Variants in QARS1 observed in about 807,000 individuals in gnomAD.
QARS1 encodes the protein glutamine--tRNA ligase.
Under a neutral mutation model 106.9 loss-of-function variants are expected in QARS1, and 79 were observed. That is an observed-to-expected ratio of 0.74 (90% CI 0.62 to 0.89). The LOEUF is 0.89. Ranked by LOEUF, QARS1 falls within the 40% of genes least tolerant of loss-of-function variation. QARS1 has a pLI of 0.00. For missense variants in QARS1, 966 were observed against 997.2 expected (o/e 0.97, Z 0.42); for synonymous variants, 395 against 367.7 (o/e 1.07, Z -0.85).
intron 2 of QARS1, 40 bp from the exon 3 acceptor site, chr3:49,104,012 C>G: frequency 6.5e-7 from 1 of 1,543,730 alleles, no homozygotes; most frequent in South Asian, 1.1e-5. Flanking sequence ...CATCTCTGCT[C>G]CAAGAAGTGG....
At chr3:49,100,792 T>C in intron 10 of QARS1, 118 bp from the exon 11 acceptor site, 1 of 881,136 alleles carries the variant, frequency 1.1e-6, no homozygotes, top group Non-Finnish European at 1.9e-6. Flanking sequence ...TTTTTTGAGA[T>C]GGAGTCTTGA....
chr3:49,098,324 C>T, intron 21 of QARS1, 29 bp downstream of exon 21: 2 of 1,614,212 alleles, frequency 1.2e-6, no homozygotes, highest in South Asian at 1.1e-5. Context: ...CATCTTGTAC[C>T]TGCCCCCACC....
In QARS1 at chr3:49,104,700, TAGTG is replaced by T. The variant is rs768742995; in HGVS notation, c.30_33del (p.Phe10LeufsTer5). ...GCCTTCTGCTCGCTCAGGCCGAGGC[TAGTG>T]AAGAGCGACAGGGAGTCTAGAGCCG... On this transcript the variant is annotated frameshift_variant, in exon 1 of 24. Transcript: ENST00000306125. LOFTEE classifies it high-confidence loss of function. 1 of 1,612,662 alleles carries T rather than the reference TAGTG, an allele frequency of 6.2e-7. No homozygotes were observed. Among genetic ancestry groups the T allele is most frequent in the South Asian group, 1.1e-5 (1 of 91,080 alleles).
chr3:49,100,451 T>C lies in QARS1; in HGVS notation c.984A>G (p.Thr328=). 6.2e-7 allele frequency: 1 copy of C among 1,614,140 alleles called. No homozygotes were observed. The highest frequency in any genetic ancestry group is 8.5e-7 in the Non-Finnish European group (1 of 1,180,000). ...CAGACGCATATGTGACTTTGTAAGG[T>C]GTGTAGCCTGGGGCAAAATGAAACA... is the stretch of plus-strand genomic sequence containing the variant. ...ICDMVAWLGY[T]PYKVTYASDY... Residue 328 remains threonine (T), a synonymous_variant, in exon 12 of 24, where the codon ACA becomes ACG. Coordinates refer to ENST00000306125, the MANE Select transcript of QARS1 (RefSeq NM_005051.3).
In QARS1 at chr3:49,095,963, T is replaced by C; in HGVS notation, c.*66A>G. On this transcript the variant is annotated 3_prime_UTR_variant, in exon 24 of 24. Coordinates refer to ENST00000306125, the MANE Select transcript of QARS1 (RefSeq NM_005051.3). ...AGAATTTAGCTGTTCTTTATTGACATGGAATTTGGGGTGGCGAGGGTAGCC... is the reference window on the plus strand; with the variant it reads ...AGAATTTAGCTGTTCTTTATTGACACGGAATTTGGGGTGGCGAGGGTAGCC... The C allele has an allele frequency of 1.4e-6, 2 of 1,458,580 alleles. No individual in the cohort carries two copies. Among genetic ancestry groups the C allele is most frequent in the Non-Finnish European group, 1.9e-6 (2 of 1,047,694 alleles). The allele number at this position is 1,458,580 out of a possible 1,614,324, so 90.4% of individuals were successfully genotyped here.
chr3:49,096,644 G>C (rs1424158881), intron 23 of QARS1, among the ~76,000 whole-genome samples: 2 of 151,452 alleles, frequency 1.3e-5, no homozygotes, highest in Non-Finnish European at 1.5e-5. Flanking sequence ...CTAAAAAATA[G>C]AAAAAATTAG....
intron 23 of QARS1, among the ~76,000 whole-genome samples, chr3:49,096,929 G>A (rs1443327200): frequency 1.3e-5 from 2 of 150,892 alleles, no homozygotes; most frequent in Non-Finnish European, 3.0e-5. Flanking sequence ...AGGTTGCAGT[G>A]GGCCGAGATC....
At chr3:49,101,739 T>G in intron 8 of QARS1, 34 bp from the exon 9 acceptor site, 1 of 1,613,234 alleles carries the variant, frequency 6.2e-7, no homozygotes, top group South Asian at 1.1e-5. Flanking sequence ...AGGACCAGGC[T>G]GCAGCCAAAG....
intron 5 of QARS1, chr3:49,102,685 A>G (rs1292951368): frequency 4.8e-6 from 3 of 628,402 alleles, no homozygotes; most frequent in Admixed American, 4.7e-5. Flanking sequence ...CATGTTGCCC[A>G]GGCTGGAATG....
rs141072684 is a variant in QARS1 at position 49,099,646 on chromosome 3, G to A, written c.1390C>T (p.Arg464Cys). Residue 464 changes from arginine (R) to cysteine (C), a missense_variant and splice_region_variant, in exon 16 of 24, where the codon CGC (arginine) becomes TGC (cysteine). By Grantham distance (180) the Arg-to-Cys change is radical (BLOSUM62 -3). Transcript: ENST00000306125. Reference sequence around the variant, plus strand: ...TTGCAAAGCCAGAAGTAGGAAGAGCGTCTGGGGTGGGAGAGTAGGGTTAGC... The same window carrying A: ...TTGCAAAGCCAGAAGTAGGAAGAGCATCTGGGGTGGGAGAGTAGGGTTAGC... Reference protein sequence around the residue: ...SLCTKEFQARRSSYFWLCNAL... With the variant: ...SLCTKEFQARCSSYFWLCNAL... 5.0e-6 allele frequency: 8 copies of A among 1,613,968 alleles called. No individual in the cohort carries two copies. The highest frequency in any genetic ancestry group is 2.7e-5 in the African/African-American group (2 of 74,900).
rs899079673 is a variant in QARS1 at position 49,100,194 on chromosome 3, A to C, written c.1160T>G (p.Phe387Cys). The change falls in exon 13 of 24, where the codon TTT (phenylalanine) becomes TGT (cysteine). Residue 387 changes from phenylalanine to cysteine, a missense_variant. By Grantham distance (205) the Phe-to-Cys change is radical. Transcript: ENST00000306125. ...DRPMEESLLLFEAMRKGKFSE... is the reference protein window; with the variant it reads ...DRPMEESLLLCEAMRKGKFSE... ...GATGCTCCTCTAGGACCCCACCTCA[A>C]AGAGCAGCAGTGACTCCTCCATGGG... 3.3e-5 allele frequency: 53 copies of C among 1,614,064 alleles called. No homozygotes were observed. Among genetic ancestry groups the C allele is most frequent in the Non-Finnish European group, 4.4e-5 (52 of 1,180,026 alleles).
At chr3:49,096,358 T>C (rs916627565) in intron 23 of QARS1, among the ~76,000 whole-genome samples, 2 of 152,222 alleles carry the variant, frequency 1.3e-5, no homozygotes, top group Non-Finnish European at 2.9e-5. Flanking sequence ...TGCCCCCTAC[T>C]TTAAGGAGTA....
At position 49,095,962 on chromosome 3, in the gene QARS1, A is replaced by G; in HGVS notation, c.*67T>C. ...GAGAATTTAGCTGTTCTTTATTGAC[A>G]TGGAATTTGGGGTGGCGAGGGTAGC... On this transcript the variant is annotated 3_prime_UTR_variant, in exon 24 of 24. Coordinates refer to ENST00000306125, the MANE Select transcript of QARS1 (RefSeq NM_005051.3). The G allele has an allele frequency of 6.9e-7, 1 of 1,454,084 alleles. No individual in the cohort carries two copies. The allele number at this position is 1,454,084 out of a possible 1,614,324, so 90.1% of individuals were successfully genotyped here. A position where few individuals can be genotyped will look rare whatever the true frequency, so the allele number is the denominator to read the frequency against.
chr3:49,098,573 A>G, intron 20 of QARS1, 27 bp downstream of exon 20: 2 of 1,608,504 alleles, frequency 1.2e-6, no homozygotes, highest in Admixed American at 1.7e-5. Context: ...CAGGCACTGC[A>G]GTAGGAAGGC....
chr3:49,103,282 T>G, intron 5 of QARS1, 63 bp downstream of exon 5: 1 of 1,553,776 alleles, frequency 6.4e-7, no homozygotes, highest in Non-Finnish European at 8.9e-7. Context: ...TATCCCTTAG[T>G]GGATTCCAGG....
chr3:49,098,875 C>T lies in QARS1; in HGVS notation c.1863+10G>A, dbSNP rs749903302. The T allele has an allele frequency of 3.7e-6, 6 of 1,605,252 alleles. No homozygotes were observed. Among genetic ancestry groups the T allele is most frequent in the Non-Finnish European group, 5.1e-6 (6 of 1,172,140 alleles). On this transcript the variant is annotated intron_variant, in intron 19 of 23. Coordinates refer to ENST00000306125, the MANE Select transcript of QARS1 (RefSeq NM_005051.3). Reference sequence around the variant, plus strand: ...AGCAGCAAACGGGACCCTCCACCCCCACAATTTACCTCCTTGAAGTCAGTC... The same window carrying T: ...AGCAGCAAACGGGACCCTCCACCCCTACAATTTACCTCCTTGAAGTCAGTC...
Position 49,104,662 on chromosome 3 carries a change from G to C in QARS1, c.72C>G (p.Leu24=), listed in dbSNP as rs2042516875. The part of the protein sequence containing the change: ...GLSEQKARET[L]KNSALSAQLR... ...GCTGCGCGCTCAGAGCCGAGTTCTTGAGCGTCTCGCGGGCCTTCTGCTCGC... is the reference window on the plus strand; with the variant it reads ...GCTGCGCGCTCAGAGCCGAGTTCTTCAGCGTCTCGCGGGCCTTCTGCTCGC... Residue 24 remains leucine, a synonymous_variant, in exon 1 of 24, where the codon CTC becomes CTG. Transcript: ENST00000306125. 1.9e-6 allele frequency: 3 copies of C among 1,609,846 alleles called. No homozygotes were observed. Among genetic ancestry groups the C allele is most frequent in the Non-Finnish European group, 2.5e-6 (3 of 1,177,134 alleles).
chr3:49,099,320 T>G (rs936443840), intron 17 of QARS1, 24 bp downstream of exon 17: 2 of 1,614,174 alleles, frequency 1.2e-6, no homozygotes, highest in Admixed American at 1.7e-5. Context: ...CCCCAATGTA[T>G]CTACCCAACC....
chr3:49,104,306 G>A lies in QARS1; in HGVS notation c.265+18C>T. The A allele has an allele frequency of 6.2e-7, 1 of 1,613,368 alleles. No individual in the cohort carries two copies. On this transcript the variant is annotated intron_variant, in intron 2 of 23. Transcript: ENST00000306125. ...GGGAGGCATTGGTGCGAACTGGCAG[G>A]ACAGGTAGGGGTCTCACCGCTTAGC... is the stretch of plus-strand genomic sequence containing the variant.
Sources: allele counts gnomAD v4.1 joint callset (sites outside exome capture counted in the v4.1 genomes callset), GRCh38; gene constraint gnomAD v4.1.1; transcripts MANE v1.5; gene names NCBI Gene and HGNC (gene_info 2026-07-23, HGNC 2026-07-21).